Variants in PIN4 observed in about 807,000 individuals in gnomAD.
PIN4 encodes the protein peptidylprolyl cis/trans isomerase, NIMA-interacting 4, also known as peptidyl-prolyl cis-trans isomerase NIMA-interacting 4.
PIN4 carries 3 observed loss-of-function variants against 8.3 expected under a neutral mutation model. That is an observed-to-expected ratio of 0.36 (90% CI 0.16 to 0.93). The LOEUF (loss-of-function observed/expected upper bound fraction) is 0.93, where lower values mean the gene tolerates loss of function less well. PIN4 is among the 40% of genes least tolerant of loss of function. The pLI, the probability that PIN4 is intolerant of heterozygous loss-of-function variation, is 0.44. For missense variants in PIN4, 75 were observed against 100.6 expected, an observed-to-expected ratio of 0.75 and a Z score of 1.09; for synonymous variants, 18 against 32.5, an observed-to-expected ratio of 0.55 and a Z score of 1.52.
chrX:72,223,296 C>T (rs1160629805), intron 3 of PIN4, among the ~76,000 whole-genome samples: 9 of 98,915 alleles, frequency 9.1e-5, no homozygotes, highest in Non-Finnish European at 1.6e-4. Context: ...GCTGAGATCA[C>T]GCCATTGCAC....
At chrX:72,188,901 G>A (rs767849246) in intron 2 of PIN4, among the ~76,000 whole-genome samples, 1 of 112,203 alleles carries the variant, frequency 8.9e-6, no homozygotes, top group East Asian at 2.8e-4. Context: ...GAGATATATG[G>A]AAAGGAGTGG....
intron 3 of PIN4, among the ~76,000 whole-genome samples, chrX:72,211,433 A>T (rs1336344758): frequency 8.9e-6 from 1 of 111,798 alleles, no homozygotes; most frequent in African/African-American, 3.3e-5. Context: ...CAAAAATTTT[A>T]TGTTTAAATG....
At chrX:72,193,562 A>T (rs12393623) in intron 2 of PIN4, among the ~76,000 whole-genome samples, 23 of 111,286 alleles carry the variant, frequency 2.1e-4, no homozygotes, top group South Asian at 3.7e-4. Context: ...AAAAAAAAAA[A>T]TTTTAAATAG....
At chrX:72,217,630 A>G (rs1269626271) in intron 3 of PIN4, among the ~76,000 whole-genome samples, 1 of 111,825 alleles carries the variant, frequency 8.9e-6, no homozygotes, top group Non-Finnish European at 1.9e-5. Context: ...TTTCACAATA[A>G]AAGTTTTAAA....
chrX:72,186,598 A>T, intron 2 of PIN4, 64 bp downstream of exon 2: 4 of 714,639 alleles, frequency 5.6e-6, no homozygotes, highest in Middle Eastern at 4.6e-4. Flanking sequence ...TAGTACACAT[A>T]AAAGACAGAA....
intron 3 of PIN4, among the ~76,000 whole-genome samples, chrX:72,262,529 T>C (rs910085446): frequency 8.9e-6 from 1 of 112,390 alleles, no homozygotes; most frequent in Admixed American, 9.4e-5. Flanking sequence ...AGGAGCTCTG[T>C]AAACTGCAAA....
intron 3 of PIN4, among the ~76,000 whole-genome samples, chrX:72,232,629 C>T (rs773470255): frequency 1.9e-4 from 21 of 110,612 alleles, no homozygotes; most frequent in Non-Finnish European, 3.2e-4. Flanking sequence ...GCTAACATGA[C>T]GAAACCCCGT....
chrX:72,249,380 C>G (rs2043078715), intron 3 of PIN4, among the ~76,000 whole-genome samples: 1 of 112,069 alleles, frequency 8.9e-6, no homozygotes, highest in Non-Finnish European at 1.9e-5. Flanking sequence ...ATTGGTACAA[C>G]CACTTTGGAA....
downstream of PIN4, among the ~76,000 whole-genome samples, chrX:72,200,970 A>G (rs1766951260): frequency 8.9e-6 from 1 of 111,938 alleles, no homozygotes; most frequent in Non-Finnish European, 1.9e-5. Context: ...GAGGCTGAGT[A>G]GGGCAAATCA....
At position 72,234,736 on chromosome X, in the gene PIN4, G is replaced by A. The variant is rs186359952; in HGVS notation, c.313-27971G>A. Among the ~76,000 whole-genome samples the A allele has an allele frequency of 4.2e-3, 471 of 111,376 alleles. 2 individuals carry two copies. The highest frequency in any genetic ancestry group is 0.014 in the African/African-American group (432 of 30,655). On this transcript the variant is annotated intron_variant, in intron 3 of 3. Transcript: ENST00000423432. ...CCATACTAACAGGACAGAAGGCAAA[G>A]AACACAGAGGGAATAATGCTGGGAA...
chrX:72,214,655 A>G (rs1355504704), intron 3 of PIN4, among the ~76,000 whole-genome samples: 4 of 99,328 alleles, frequency 4.0e-5, no homozygotes, highest in African/African-American at 1.5e-4. Context: ...CCTGGATGAC[A>G]GAGTGAGACT....
chrX:72,243,741 C>T (rs984614094), intron 3 of PIN4, among the ~76,000 whole-genome samples: 4 of 111,936 alleles, frequency 3.6e-5, no homozygotes, highest in Non-Finnish European at 7.5e-5. Context: ...TGGATGAGGC[C>T]GAATAAGAAC....
intron 2 of PIN4, among the ~76,000 whole-genome samples, chrX:72,188,635 A>G (rs2042716096): frequency 8.9e-6 from 1 of 112,505 alleles, no homozygotes; most frequent in Non-Finnish European, 1.9e-5. Context: ...CTGGGATTAC[A>G]GGCATGAGCC....
chrX:72,228,200 T>C (rs777421131), intron 3 of PIN4, among the ~76,000 whole-genome samples: 1 of 112,469 alleles, frequency 8.9e-6, no homozygotes, highest in South Asian at 3.7e-4. Flanking sequence ...GTCTCCTTTG[T>C]TCGGTGTACT....
chrX:72,252,040 G>A (rs1312379317), intron 3 of PIN4, among the ~76,000 whole-genome samples: 2 of 112,110 alleles, frequency 1.8e-5, no homozygotes, highest in Non-Finnish European at 3.8e-5. Context: ...TCAGTGTCTG[G>A]TGAGGCCCTC....
At chrX:72,183,730 G>T (rs1357272876) in intron 1 of PIN4, among the ~76,000 whole-genome samples, 1 of 112,173 alleles carries the variant, frequency 8.9e-6, no homozygotes, top group Non-Finnish European at 1.9e-5. Context: ...TTAAGAGAAA[G>T]TTTTATTTTC....
intron 2 of PIN4, among the ~76,000 whole-genome samples, chrX:72,190,020 C>T (rs2042723541): frequency 9.0e-6 from 1 of 110,994 alleles, no homozygotes; most frequent in African/African-American, 3.3e-5. Context: ...CCACTGACCA[C>T]AGCTTCCCTC....
downstream of PIN4, among the ~76,000 whole-genome samples, chrX:72,198,495 A>G (rs2042777686): frequency 8.9e-6 from 1 of 112,379 alleles, no homozygotes; most frequent in Admixed American, 9.5e-5. Flanking sequence ...TTATGCCTCC[A>G]TGAGATTTTC....
At chrX:72,237,538 C>T (rs1477245232) in intron 3 of PIN4, among the ~76,000 whole-genome samples, 4 of 109,007 alleles carry the variant, frequency 3.7e-5, no homozygotes, top group Non-Finnish European at 7.6e-5. Flanking sequence ...GCGGAGCTTG[C>T]TGTGAGCCCA....
Sources: allele counts gnomAD v4.1 joint callset (sites outside exome capture counted in the v4.1 genomes callset), GRCh38; gene constraint gnomAD v4.1.1; transcripts MANE v1.5; gene names NCBI Gene and HGNC (gene_info 2026-07-23, HGNC 2026-07-21).